NPC1: variants seen among roughly 807,000 people sequenced by gnomAD.
NPC1 encodes Niemann-Pick C1 protein.
Under a neutral mutation model 140.4 loss-of-function variants are expected in NPC1, and 85 were observed. That is an observed-to-expected ratio of 0.61 (90% CI 0.51 to 0.72). The LOEUF (loss-of-function observed/expected upper bound fraction) is 0.72. Among genes scored for constraint, NPC1 ranks in the 30% least tolerant of loss-of-function variants. The pLI is 0.00. For synonymous variants in NPC1, 656 were observed against 624.8 expected (o/e 1.05, Z -0.74); for missense variants, 1,504 against 1,623.8 (o/e 0.93, Z 1.27).
At chr18:23,530,345 C>T, downstream of NPC1, 1 of 1,613,992 alleles carries the variant, frequency 6.2e-7, no homozygotes, top group South Asian at 1.1e-5. Flanking sequence ...AACTCTGTTC[C>T]TGTTGTTTGC....
At chr18:23,560,565 A>G in intron 5 of NPC1, 85 bp from the exon 6 acceptor site, 1 of 1,346,500 alleles carries the variant, frequency 7.4e-7, no homozygotes, top group Non-Finnish European at 1.0e-6. Context: ...AGAAAAGCCC[A>G]CTGAAATACA....
At chr18:23,553,865 C>T (rs1157558138) in intron 9 of NPC1, among the ~76,000 whole-genome samples, 2 of 152,210 alleles carry the variant, frequency 1.3e-5, no homozygotes, top group Non-Finnish European at 2.9e-5. Flanking sequence ...CAATCTAAAG[C>T]TGCGGAGCTG....
downstream of NPC1, chr18:23,529,237 A>G (rs777907083): frequency 2.5e-6 from 4 of 1,614,100 alleles, no homozygotes; most frequent in South Asian, 4.4e-5. Flanking sequence ...GTGCGGACCC[A>G]GGCGGTGCTG....
rs569824139 is a variant in NPC1, at chr18:23,531,903, T to G, written c.*299A>C. On this transcript the variant is annotated 3_prime_UTR_variant, in exon 25 of 25. Coordinates refer to ENST00000269228, the MANE Select transcript of NPC1 (RefSeq NM_000271.5). ...TTGATTGGCCTTTACAGAGTGTCAG[T>G]GAGCGGATCACATTCACAGCCATCT... The G allele has an allele frequency of 6.9e-7, 1 of 1,441,918 alleles. No homozygotes were observed. Among genetic ancestry groups the G allele is most frequent in the Non-Finnish European group, 9.0e-7 (1 of 1,105,440 alleles). 89.3% of individuals were successfully genotyped at this position (1,441,918 alleles called of 1,614,324 possible).
intron 1 of NPC1, 152 bp downstream of exon 1, chr18:23,586,135 G>A: frequency 7.4e-6 from 6 of 810,986 alleles, no homozygotes; most frequent in Non-Finnish European, 7.5e-6. Context: ...GCCGGAGACA[G>A]AAACAGGACA....
downstream of NPC1, chr18:23,529,851 T>G: frequency 9.5e-7 from 1 of 1,051,360 alleles, no homozygotes; most frequent in Admixed American, 2.0e-5. Context: ...CCTGACATTA[T>G]TAGTTGGAAT....
chr18:23,562,365 A>G (rs1313816761), intron 4 of NPC1, among the ~76,000 whole-genome samples: 1 of 151,984 alleles, frequency 6.6e-6, no homozygotes, highest in Non-Finnish European at 1.5e-5. Context: ...ACACATACAC[A>G]CAACACATTA....
At chr18:23,577,946 C>G (rs373166575) in intron 1 of NPC1, among the ~76,000 whole-genome samples, 18 of 152,248 alleles carry the variant, frequency 1.2e-4, no homozygotes, top group African/African-American at 4.1e-4. Flanking sequence ...ACCAAGCCCA[C>G]GCCCACCCGG....
At chr18:23,526,807 G>T, downstream of NPC1, 1 of 1,604,492 alleles carries the variant, frequency 6.2e-7, no homozygotes. Flanking sequence ...CCAGTGTGAG[G>T]CCTGTGCTGC....
intron 3 of NPC1, among the ~76,000 whole-genome samples, chr18:23,517,018 G>C (rs2058026420): frequency 6.6e-6 from 1 of 151,998 alleles, no homozygotes; most frequent in South Asian, 2.1e-4. Context: ...GAGCCACTGT[G>C]CCTGGCCAAG....
intron 3 of NPC1, chr18:23,516,214 A>C (rs1375442634): frequency 7.1e-7 from 1 of 1,415,650 alleles, no homozygotes; most frequent in Non-Finnish European, 9.9e-7. Flanking sequence ...GGTGGAAAGG[A>C]TCCAAAGACG....
chr18:23,554,693 T>C (rs1295834224), intron 9 of NPC1, 65 bp downstream of exon 9: 1 of 1,247,104 alleles, frequency 8.0e-7, no homozygotes, highest in Non-Finnish European at 1.2e-6. Context: ...AAACAAGCTT[T>C]TGCCCATGTA....
At chr18:23,542,653 C>G (rs1340905163) in intron 14 of NPC1, among the ~76,000 whole-genome samples, 2 of 152,234 alleles carry the variant, frequency 1.3e-5, no homozygotes, top group Non-Finnish European at 2.9e-5. Context: ...TGTGGTGAGT[C>G]AAGAGCTTCT....
At chr18:23,527,175 G>A (rs1408933436), downstream of NPC1, among the ~76,000 whole-genome samples, 1 of 143,298 alleles carries the variant, frequency 7.0e-6, no homozygotes, top group African/African-American at 2.7e-5. Context: ...CCTGAGCCTA[G>A]GAGTTCGAGA....
intron 24 of NPC1, among the ~76,000 whole-genome samples, 159 bp from the exon 25 acceptor site, chr18:23,532,443 C>G (rs1027791900): frequency 6.6e-6 from 1 of 152,164 alleles, no homozygotes; most frequent in African/African-American, 2.4e-5. Flanking sequence ...CTCTCTCCCT[C>G]TCTTTTGGAG....
chr18:23,520,484 C>T (rs552300217), downstream of NPC1, among the ~76,000 whole-genome samples: 3 of 152,264 alleles, frequency 2.0e-5, no homozygotes, highest in South Asian at 2.1e-4. Context: ...TGTTTTGAGA[C>T]AGTCTCACTG....
downstream of NPC1, chr18:23,528,998 G>C (rs2058395582): frequency 2.1e-6 from 2 of 948,226 alleles, no homozygotes; most frequent in East Asian, 3.0e-5. Context: ...TCCTGCCTCA[G>C]CCTCCTGAGT....
downstream of NPC1, chr18:23,529,541 A>T: frequency 7.6e-7 from 1 of 1,310,268 alleles, no homozygotes; most frequent in Non-Finnish European, 1.1e-6. Flanking sequence ...GGGCCATTTT[A>T]AGATGGAAAC....
At position 23,572,159 on chromosome 18, in the gene NPC1, A is replaced by C. The variant is rs993533047; in HGVS notation, c.202T>G (p.Phe68Val). 6.2e-7 allele frequency: 1 copy of C among 1,613,228 alleles called. No individual in the cohort carries two copies. Among genetic ancestry groups the C allele is most frequent in the Admixed American group, 1.7e-5 (1 of 59,998 alleles). Residue 68 changes from phenylalanine (F) to valine (V), a missense_variant, in exon 3 of 25, where the codon TTT (phenylalanine) becomes GTT (valine). Physicochemically the swap from Phe to Val is conservative, Grantham distance 50. Transcript: ENST00000269228. Reference protein sequence around the residue: ...LVQELCPGFFFGNVSLCCDVR... With the variant: ...LVQELCPGFFVGNVSLCCDVR... Reference sequence around the variant, plus strand: ...TCACAACAGAGACTGACATTGCCAAAGAAGAATCCTGGACAGAGTTCCTTT... The same window carrying C: ...TCACAACAGAGACTGACATTGCCAACGAAGAATCCTGGACAGAGTTCCTTT...
Sources: allele counts gnomAD v4.1 joint callset (sites outside exome capture counted in the v4.1 genomes callset), GRCh38; gene constraint gnomAD v4.1.1; transcripts MANE v1.5; gene names NCBI Gene and HGNC (gene_info 2026-07-23, HGNC 2026-07-21).